CSMD2: variants seen among roughly 807,000 people sequenced by gnomAD.
CSMD2 encodes CUB and sushi domain-containing protein 2.
CSMD2 carries 130 observed loss-of-function variants against 398.5 expected under a neutral mutation model. The ratio of observed to expected loss-of-function variants is 0.33; its 90% CI spans 0.28 to 0.38. The LOEUF is 0.38. CSMD2 is among the 10% of genes least tolerant of loss of function. The pLI, the probability that CSMD2 is intolerant of heterozygous loss-of-function variation, is 1.00. For synonymous variants in CSMD2, 1,828 were observed against 1,908.5 expected, an observed-to-expected ratio of 0.96 and a Z score of 1.10; for missense variants, 3,829 against 4,764.9, an observed-to-expected ratio of 0.80 and a Z score of 5.78.
rs577042432 is a variant in CSMD2 at position 33,905,672 on chromosome 1, C to T, written c.920+12422G>A. Among the ~76,000 whole-genome samples, 7 of 152,204 alleles carry T rather than the reference C, an allele frequency of 4.6e-5. No homozygotes were observed. In the East Asian group the frequency reaches 1.4e-3, roughly 29 times the overall value. On this transcript the variant is annotated intron_variant, in intron 5 of 70. Transcript: ENST00000373381. ...TTAGGTGGCAGATATTGGAACATGC[C>T]TTTATGGTGTTAGAAGTGCTCAATA...
At chr1:34,066,223 C>T (rs377054302) in intron 2 of CSMD2, among the ~76,000 whole-genome samples, 17 of 152,302 alleles carry the variant, frequency 1.1e-4, no homozygotes, top group African/African-American at 2.4e-4. Flanking sequence ...CACATACACA[C>T]AGCACACATA....
chr1:33,869,242 C>T (rs140395154), intron 5 of CSMD2: 4 of 152,308 alleles, frequency 2.6e-5, no homozygotes, highest in Admixed American at 6.5e-5. Flanking sequence ...GGGGATTACC[C>T]CTCTGCCCCT....
At chr1:33,613,483 C>T (rs1218287279) in intron 40 of CSMD2, among the ~76,000 whole-genome samples, 1 of 152,176 alleles carries the variant, frequency 6.6e-6, no homozygotes, top group Non-Finnish European at 1.5e-5. Context: ...ACCCAGTTTC[C>T]TTCAGAAGAT....
chr1:33,548,524 A>G (rs934007987), intron 56 of CSMD2, among the ~76,000 whole-genome samples: 4 of 152,212 alleles, frequency 2.6e-5, no homozygotes, highest in Non-Finnish European at 5.9e-5. Context: ...AGTTGGGTCC[A>G]CTGCTTGCAC....
chr1:33,786,870 T>C (rs924244741), intron 12 of CSMD2, among the ~76,000 whole-genome samples: 1 of 152,232 alleles, frequency 6.6e-6, no homozygotes, highest in Non-Finnish European at 1.5e-5. Flanking sequence ...TAGTGTAGTA[T>C]GGGCTAGCCT....
intron 64 of CSMD2, among the ~76,000 whole-genome samples, chr1:33,528,502 T>C (rs1448486988): frequency 6.6e-6 from 1 of 152,244 alleles, no homozygotes; most frequent in Non-Finnish European, 1.5e-5. Flanking sequence ...GTTTCTGCAG[T>C]GACTCAATGC....
intron 6 of CSMD2, chr1:33,839,215 C>T (rs1321542412): frequency 6.6e-6 from 1 of 152,192 alleles, no homozygotes; most frequent in Non-Finnish European, 1.5e-5. Flanking sequence ...TTCTAGGATG[C>T]TTGGGATTTC....
chr1:33,718,249 A>G (rs1355296880), intron 19 of CSMD2, among the ~76,000 whole-genome samples: 1 of 152,220 alleles, frequency 6.6e-6, no homozygotes, highest in East Asian at 1.9e-4. Context: ...ACAGCCAGGT[A>G]GGGTAAGAGA....
intron 13 of CSMD2, among the ~76,000 whole-genome samples, chr1:33,758,141 C>A (rs985503779): frequency 1.3e-5 from 2 of 152,354 alleles, no homozygotes; most frequent in Non-Finnish European, 2.9e-5. Flanking sequence ...CCACCCTCCC[C>A]TATTGCACCC....
At chr1:33,622,467 A>G (rs920842159) in intron 36 of CSMD2, among the ~76,000 whole-genome samples, 196 bp from the exon 37 acceptor site, 1 of 152,172 alleles carries the variant, frequency 6.6e-6, no homozygotes, top group African/African-American at 2.4e-5. Flanking sequence ...AGGGAGGGGA[A>G]ACTCCAATCT....
chr1:34,001,591 A>G (rs1307971133), intron 3 of CSMD2, among the ~76,000 whole-genome samples: 1 of 152,348 alleles, frequency 6.6e-6, no homozygotes, highest in East Asian at 1.9e-4. Flanking sequence ...CAGGGAATAC[A>G]ACACCCATGA....
chr1:34,032,432 A>G (rs1194375383), intron 3 of CSMD2, among the ~76,000 whole-genome samples, 162 bp downstream of exon 3: 1 of 152,240 alleles, frequency 6.6e-6, no homozygotes, highest in African/African-American at 2.4e-5. Flanking sequence ...AAGAGGGACA[A>G]TTTAAGTAAC....
chr1:34,004,033 C>T (rs1404706361), intron 3 of CSMD2, among the ~76,000 whole-genome samples: 1 of 152,156 alleles, frequency 6.6e-6, no homozygotes, highest in Non-Finnish European at 1.5e-5. Flanking sequence ...AATATGACAC[C>T]CCATCCCTTA....
chr1:33,966,076 G>A (rs1645546017), intron 3 of CSMD2, among the ~76,000 whole-genome samples: 1 of 152,210 alleles, frequency 6.6e-6, no homozygotes, highest in Non-Finnish European at 1.5e-5. Context: ...GGAGAGGTCA[G>A]AGATCACTTC....
chr1:33,562,348 T>C (rs183659136), intron 53 of CSMD2, among the ~76,000 whole-genome samples: 66 of 152,320 alleles, frequency 4.3e-4, no homozygotes, highest in Middle Eastern at 6.8e-3. Flanking sequence ...TTGCTCTCTT[T>C]AGGTCCCAGG....
intron 7 of CSMD2, among the ~76,000 whole-genome samples, chr1:33,823,234 C>T (rs531449579): frequency 1.3e-5 from 2 of 152,144 alleles, no homozygotes; most frequent in African/African-American, 2.4e-5. Context: ...CCAACGGTGA[C>T]GCGGCTTATA....
At chr1:33,823,758 T>G (rs1160209767) in intron 7 of CSMD2, among the ~76,000 whole-genome samples, 1 of 152,228 alleles carries the variant, frequency 6.6e-6, no homozygotes, top group Non-Finnish European at 1.5e-5. Flanking sequence ...ACACCCATTC[T>G]TTCTGAGGAA....
At chr1:33,662,579 G>A (rs556959681) in intron 26 of CSMD2, among the ~76,000 whole-genome samples, 27 of 152,224 alleles carry the variant, frequency 1.8e-4, no homozygotes, top group Middle Eastern at 3.4e-3. Flanking sequence ...CTACTTGTCC[G>A]TTGGGTCTGA....
chr1:33,621,140 ATC>A (rs1280299422), intron 37 of CSMD2, among the ~76,000 whole-genome samples: 1 of 152,020 alleles, frequency 6.6e-6, no homozygotes, highest in Non-Finnish European at 1.5e-5. Flanking sequence ...CTTTCTTAGC[ATC>A]TCTCCTTTCC....
Sources: gnomAD v4.1 joint callset for allele counts (sites outside exome capture counted in the v4.1 genomes callset) on GRCh38, gnomAD v4.1.1 for gene constraint, MANE v1.5 for transcripts, NCBI Gene and HGNC (gene_info 2026-07-23, HGNC 2026-07-21) for gene names.